Variants in HSPA4L observed in about 807,000 individuals in gnomAD.
HSPA4L encodes the protein heat shock protein family A (Hsp70) member 4 like.
A neutral mutation model predicts 100.3 loss-of-function variants in HSPA4L; 48 were observed. That is an observed-to-expected ratio of 0.48 (90% CI 0.38 to 0.61). The LOEUF (loss-of-function observed/expected upper bound fraction) is 0.61. Ranked by LOEUF, HSPA4L falls within the 20% of genes least tolerant of loss-of-function variation. The pLI is 0.00. For synonymous variants in HSPA4L, 319 were observed against 328.2 expected, an observed-to-expected ratio of 0.97 and a Z score of 0.30; for missense variants, 886 against 988.6, an observed-to-expected ratio of 0.90 and a Z score of 1.39.
rs1048797971 is a variant in HSPA4L, at chr4:127,839,830, T to G, written c.*6956T>G. ...CTCACATGAAAAGTGGCTTTTATAT[T>G]TGGTAGGATAAAGCCATTGTCCTTT... is the stretch of plus-strand genomic sequence containing the variant. On this transcript the variant is annotated 3_prime_UTR_variant, in exon 19 of 19. Transcript: ENST00000296464. The G allele has an allele frequency of 2.6e-5, 4 of 152,238 alleles. No individual in the cohort carries two copies. The South Asian group carries it at 6.2e-4, about 24-fold the overall frequency. 9.4% of individuals were successfully genotyped at this position (152,238 alleles called of 1,614,324 possible). A position where few individuals can be genotyped will look rare whatever the true frequency, so the allele number is the denominator to read the frequency against.
Position 127,840,519 on chromosome 4 carries a change from G to A in HSPA4L, c.*7645G>A, listed in dbSNP as rs1005438020. On this transcript the variant is annotated 3_prime_UTR_variant, in exon 19 of 19. Coordinates refer to ENST00000296464, the MANE Select transcript of HSPA4L (RefSeq NM_014278.4). ...TTATGATCTTAAGTTGGTAACATAG[G>A]AATATGTATTTGTCAATTTTAGTTC... is the stretch of plus-strand genomic sequence containing the variant. The A allele has an allele frequency of 6.6e-6, 1 of 152,128 alleles. No individual in the cohort carries two copies. The highest frequency in any genetic ancestry group is 1.5e-5 in the Non-Finnish European group (1 of 68,014). The allele number at this position is 152,128 out of a possible 1,614,324, so 9.4% of individuals were successfully genotyped here.
At chr4:127,818,967 T>A (rs916891771) in intron 13 of HSPA4L, among the ~76,000 whole-genome samples, 8 of 152,294 alleles carry the variant, frequency 5.3e-5, no homozygotes, top group African/African-American at 1.9e-4. Context: ...ATTCATTATT[T>A]CTCATGTTTC....
intron 12 of HSPA4L, among the ~76,000 whole-genome samples, chr4:127,815,056 C>G (rs1733637271): frequency 6.6e-6 from 1 of 152,012 alleles, no homozygotes; most frequent in African/African-American, 2.4e-5. Flanking sequence ...TCTTTTTACT[C>G]TATCCTAGCT....
intron 17 of HSPA4L, among the ~76,000 whole-genome samples, chr4:127,827,797 G>T (rs114859421): frequency 0.02 from 3,081 of 152,010 alleles, 47 homozygotes; most frequent in Non-Finnish European, 0.03. Context: ...GACTCTGCTA[G>T]CCTTTATTTT....
At chr4:127,789,434 C>G (rs1214992862) in intron 1 of HSPA4L, among the ~76,000 whole-genome samples, 4 of 152,132 alleles carry the variant, frequency 2.6e-5, no homozygotes, top group Non-Finnish European at 1.5e-5. Flanking sequence ...ATCACAAGGT[C>G]AGGAGATCAA....
intron 12 of HSPA4L, among the ~76,000 whole-genome samples, chr4:127,814,177 TG>T (rs1733614182): frequency 6.6e-6 from 1 of 152,200 alleles, no homozygotes; most frequent in South Asian, 2.1e-4. Flanking sequence ...ATAAAGTGCA[TG>T]GATTTATGGC....
intron 12 of HSPA4L, among the ~76,000 whole-genome samples, chr4:127,816,962 G>C (rs1001918559): frequency 6.6e-6 from 1 of 152,062 alleles, no homozygotes; most frequent in Non-Finnish European, 1.5e-5. Context: ...ACAAAAATTA[G>C]AGTTAATAAC....
intron 17 of HSPA4L, 123 bp downstream of exon 17, chr4:127,827,547 G>C: frequency 8.8e-7 from 1 of 1,136,836 alleles, no homozygotes; most frequent in Admixed American, 2.4e-5. Flanking sequence ...CAGAGACTTT[G>C]TGTACCAAAC....
At chr4:127,787,193 T>C (rs898409907) in intron 1 of HSPA4L, among the ~76,000 whole-genome samples, 3 of 152,186 alleles carry the variant, frequency 2.0e-5, no homozygotes, top group African/African-American at 7.2e-5. Context: ...CTTAAATGCA[T>C]GAAAATAGAA....
intron 11 of HSPA4L, among the ~76,000 whole-genome samples, chr4:127,809,708 A>G (rs578217026): frequency 2.0e-5 from 3 of 152,278 alleles, no homozygotes; most frequent in Admixed American, 2.0e-4. Context: ...CTTTTTTGTA[A>G]TGCTGTTTAA....
chr4:127,806,157 A>G (rs1733351292), intron 10 of HSPA4L, among the ~76,000 whole-genome samples: 1 of 151,934 alleles, frequency 6.6e-6, no homozygotes, highest in Non-Finnish European at 1.5e-5. Flanking sequence ...AAAATCATAC[A>G]TTTCTTAGGT....
At position 127,782,572 on chromosome 4, in the gene HSPA4L, C is replaced by T. The variant is rs199667750; in HGVS notation, c.22C>T (p.Leu8Phe). Residue 8 changes from leucine (L) to phenylalanine (F), a missense_variant, in exon 1 of 19, where the codon CTC (leucine) becomes TTC (phenylalanine). Transcript: ENST00000296464. The part of the protein sequence containing the change: MSVVGID[L>F]GFLNCYIAVA... ...CGGGATGTCTGTGGTTGGCATTGAC[C>T]TCGGCTTTCTCAACTGCTACATTGC... 2.1e-5 allele frequency: 34 copies of T among 1,614,018 alleles called. No homozygotes were observed. In the South Asian group the frequency reaches 3.5e-4, roughly 17 times the overall value.
intron 12 of HSPA4L, among the ~76,000 whole-genome samples, chr4:127,814,757 G>T (rs1440242645): frequency 1.3e-5 from 2 of 151,952 alleles, no homozygotes; most frequent in Non-Finnish European, 2.9e-5. Flanking sequence ...AGAAGAGATG[G>T]GATTTCACCA....
chr4:127,823,427 G>A, intron 15 of HSPA4L, 90 bp from the exon 16 acceptor site: 1 of 827,892 alleles, frequency 1.2e-6, no homozygotes. Context: ...GGGATTACAG[G>A]CATGAGGCAC....
At chr4:127,795,211 A>G (rs1171817827) in intron 2 of HSPA4L, among the ~76,000 whole-genome samples, 2 of 152,142 alleles carry the variant, frequency 1.3e-5, no homozygotes. Context: ...CAGGCTGCAT[A>G]TCCCTTATAA....
chr4:127,813,219 G>A (rs1733587976), intron 12 of HSPA4L: 1 of 1,108,722 alleles, frequency 9.0e-7, no homozygotes, highest in Non-Finnish European at 1.4e-6. Context: ...ATTACTGGAA[G>A]ATGGCGGTTC....
chr4:127,824,621 AC>A (rs953626426), intron 16 of HSPA4L, among the ~76,000 whole-genome samples: 21 of 152,150 alleles, frequency 1.4e-4, no homozygotes, highest in African/African-American at 5.1e-4. Flanking sequence ...TAAAGGAGTC[AC>A]CCTCTTCTCC....
At chr4:127,781,866 G>A, upstream of HSPA4L, 1 of 336,016 alleles carries the variant, frequency 3.0e-6, no homozygotes, top group South Asian at 2.1e-5. Flanking sequence ...CCCTTCTGAG[G>A]GCAGGGGGTG....
intron 12 of HSPA4L, among the ~76,000 whole-genome samples, chr4:127,817,372 T>G (rs1733695303): frequency 6.6e-6 from 1 of 152,222 alleles, no homozygotes; most frequent in Non-Finnish European, 1.5e-5. Context: ...TAGCTCCTCT[T>G]TGGCAGAAAT....
Sources: gnomAD v4.1 joint callset for allele counts (sites outside exome capture counted in the v4.1 genomes callset) on GRCh38, gnomAD v4.1.1 for gene constraint, MANE v1.5 for transcripts, NCBI Gene and HGNC (gene_info 2026-07-23, HGNC 2026-07-21) for gene names.